ITFG2: variants seen among roughly 807,000 people sequenced by gnomAD.
ITFG2 encodes the protein integrin alpha FG-GAP repeat containing 2, also known as KICSTOR complex protein ITFG2.
In ITFG2, 36 loss-of-function variants were observed where a neutral mutation model predicts 54.4. The observed-to-expected ratio is 0.66, with a 90% CI of 0.51 to 0.87. The LOEUF is 0.87. ITFG2 is among the 40% of genes least tolerant of loss of function. ITFG2 has a pLI of 0.00. For missense variants in ITFG2, 524 were observed against 576.7 expected, an observed-to-expected ratio of 0.91 and a Z score of 0.94; for synonymous variants, 211 against 225.4, an observed-to-expected ratio of 0.94 and a Z score of 0.57.
upstream of ITFG2, among the ~76,000 whole-genome samples, chr12:2,832,220 T>A (rs947142735): frequency 4.6e-5 from 7 of 152,100 alleles, no homozygotes; most frequent in Admixed American, 2.6e-4. Context: ...AAACTAACCA[T>A]GTCTTCTCTT....
At chr12:2,830,350 A>C (rs1275764308) in intron 2 of ITFG2, 1 of 175,378 alleles carries the variant, frequency 5.7e-6, no homozygotes, top group Non-Finnish European at 1.2e-5. Context: ...AAGTGGTTCC[A>C]GAGATTACAG....
chr12:2,835,247 G>A (rs138528818), upstream of ITFG2: 9,383 of 975,886 alleles, frequency 9.6e-3, 64 homozygotes, highest in Middle Eastern at 0.016. Context: ...CAGGGTGCCC[G>A]TGCCAGGTGG....
intron 2 of ITFG2, among the ~76,000 whole-genome samples, chr12:2,852,163 G>A (rs948969687): frequency 6.6e-5 from 10 of 152,096 alleles, no homozygotes; most frequent in Non-Finnish European, 1.3e-4. Flanking sequence ...TGCCTTCTCT[G>A]GGGACCTAAT....
rs547058760 is a variant in ITFG2 at position 2,857,202 on chromosome 12, G to C, written n.301-810G>C. The C allele has an allele frequency of 2.7e-5, 17 of 633,934 alleles. No homozygotes were observed. In the East Asian group the frequency reaches 4.4e-4, roughly 16 times the overall value. The allele number at this position is 633,934 out of a possible 1,614,324, so 39.3% of individuals were successfully genotyped here. The stretch of plus-strand genomic sequence containing the variant: ...GGGCCCCTGGCTACTTTTCAGGTTA[G>C]ACAGGCAGGGGATAGCACTTTCTTC... On this transcript the variant is annotated intron_variant and non_coding_transcript_variant, in intron 2 of 3. Coordinates refer to the ITFG2 transcript ENST00000537710.
At chr12:2,857,017 T>A (rs2098089567) in intron 2 of ITFG2, 2 of 703,022 alleles carry the variant, frequency 2.8e-6, no homozygotes, top group Non-Finnish European at 5.2e-6. Context: ...CTTTGCCGGT[T>A]ACTGGCCATT....
intron 2 of ITFG2, among the ~76,000 whole-genome samples, chr12:2,853,997 T>C (rs1391963376): frequency 1.3e-5 from 2 of 152,194 alleles, no homozygotes; most frequent in Non-Finnish European, 2.9e-5. Context: ...CTCTCCTGAA[T>C]TTCTGTAACG....
chr12:2,852,469 C>T (rs1001014559), intron 2 of ITFG2, among the ~76,000 whole-genome samples: 2 of 152,098 alleles, frequency 1.3e-5, no homozygotes, highest in African/African-American at 4.8e-5. Flanking sequence ...TGGGCTCAGA[C>T]AGTCCTCCCA....
At chr12:2,856,958 C>T in intron 2 of ITFG2, 1 of 703,042 alleles carries the variant, frequency 1.4e-6, no homozygotes, top group Non-Finnish European at 2.6e-6. Context: ...CCCCTACCTG[C>T]AGGAAAGGTT....
downstream of ITFG2, chr12:2,828,105 T>A (rs1219277125): frequency 8.9e-5 from 131 of 1,478,606 alleles, no homozygotes; most frequent in Non-Finnish European, 1.2e-4. Flanking sequence ...TCCACCCCAT[T>A]AATCAGCAGG....
intron 2 of ITFG2, among the ~76,000 whole-genome samples, chr12:2,853,471 C>T (rs2098077592): frequency 1.3e-5 from 2 of 152,104 alleles, no homozygotes; most frequent in Non-Finnish European, 1.5e-5. Context: ...CGGGGTTTCA[C>T]CATGTTGGCC....
intron 2 of ITFG2, among the ~76,000 whole-genome samples, chr12:2,853,851 C>T (rs555339717): frequency 4.6e-5 from 7 of 152,190 alleles, no homozygotes; most frequent in African/African-American, 1.2e-4. Flanking sequence ...GCTCCGCTCC[C>T]GACTTCTCAG....
At chr12:2,829,651 T>C (rs2097989947), downstream of ITFG2, among the ~76,000 whole-genome samples, 1 of 151,874 alleles carries the variant, frequency 6.6e-6, no homozygotes, top group Admixed American at 6.6e-5. Context: ...CTTGTAATTT[T>C]AGCTACTCAG....
chr12:2,830,989 T>G (rs1007584849), downstream of ITFG2: 8 of 897,464 alleles, frequency 8.9e-6, no homozygotes, highest in Non-Finnish European at 1.3e-5. Context: ...CCCTAGGAGT[T>G]TACCCTAGGG....
intron 2 of ITFG2, among the ~76,000 whole-genome samples, chr12:2,846,705 C>T (rs148570173): frequency 8.4e-4 from 128 of 151,820 alleles, no homozygotes; most frequent in Middle Eastern, 3.4e-3. Context: ...CTGGCACTCC[C>T]GTGGAGCACT....
intron 1 of ITFG2, among the ~76,000 whole-genome samples, chr12:2,838,620 A>C (rs771493075): frequency 2.6e-5 from 4 of 152,202 alleles, no homozygotes; most frequent in African/African-American, 7.2e-5. Context: ...CGAAAATGCC[A>C]TTCTCTGGAA....
At chr12:2,828,743 G>A (rs1271210273), downstream of ITFG2, among the ~76,000 whole-genome samples, 1 of 152,200 alleles carries the variant, frequency 6.6e-6, no homozygotes, top group African/African-American at 2.4e-5. Context: ...TCGGGAGGCT[G>A]AGGCAGGAGA....
chr12:2,828,916 A>G (rs2109108), downstream of ITFG2, among the ~76,000 whole-genome samples: 10,313 of 152,150 alleles, frequency 0.068, 543 homozygotes, highest in East Asian at 0.29. Flanking sequence ...TAAATCAAAA[A>G]AGGAAGTGGA....
chr12:2,823,101 C>CA (rs535408063), intron 10 of ITFG2, among the ~76,000 whole-genome samples, 190 bp downstream of exon 10: 1 of 151,748 alleles, frequency 6.6e-6, no homozygotes, highest in Non-Finnish European at 1.5e-5. Flanking sequence ...CTTCATTCAC[C>CA]GTGAGTTCTT....
chr12:2,855,057 G>A, intron 2 of ITFG2: 1 of 1,536,134 alleles, frequency 6.5e-7, no homozygotes. Context: ...GATAACAGTG[G>A]ATGAAGGTCA....
Sources: gnomAD v4.1 joint callset for allele counts (sites outside exome capture counted in the v4.1 genomes callset) on GRCh38, gnomAD v4.1.1 for gene constraint, MANE v1.5 for transcripts, NCBI Gene and HGNC (gene_info 2026-07-23, HGNC 2026-07-21) for gene names.